USH2A: variants seen among roughly 807,000 people sequenced by gnomAD.
The protein encoded by USH2A is usherin, also known as Usher syndrome 2A (autosomal recessive, mild).
USH2A carries 443 observed loss-of-function variants against 538.9 expected under a neutral mutation model. The observed-to-expected ratio is 0.82, with a 90% CI of 0.76 to 0.89. The LOEUF (loss-of-function observed/expected upper bound fraction) is 0.89. Ranked by LOEUF, USH2A falls within the 40% of genes least tolerant of loss-of-function variation. The pLI is 0.00. For synonymous variants in USH2A, 2,413 were observed against 2,273.5 expected, an observed-to-expected ratio of 1.06 and a Z score of -1.75; for missense variants, 6,633 against 6,324.8, an observed-to-expected ratio of 1.05 and a Z score of -1.65.
At chr1:216,222,584 G>A (rs889191735) in intron 14 of USH2A, among the ~76,000 whole-genome samples, 9 of 152,176 alleles carry the variant, frequency 5.9e-5, no homozygotes, top group Non-Finnish European at 1.2e-4. Flanking sequence ...ATAAAGGAAG[G>A]CAGGAGGGTA....
At chr1:215,728,424 A>T in intron 60 of USH2A, 40 bp from the exon 61 acceptor site, 1 of 1,591,442 alleles carries the variant, frequency 6.3e-7, no homozygotes, top group Non-Finnish European at 8.6e-7. Context: ...ACAGCTGCAC[A>T]CTTCAAAACA....
At chr1:215,683,037 T>C (rs553373743) in intron 61 of USH2A, among the ~76,000 whole-genome samples, 1 of 151,978 alleles carries the variant, frequency 6.6e-6, no homozygotes, top group Admixed American at 6.6e-5. Context: ...TAAAACAAAA[T>C]GTTTCTTTTC....
intron 51 of USH2A, among the ~76,000 whole-genome samples, chr1:215,788,067 A>ATATC (rs1250321253): frequency 1.3e-5 from 2 of 151,960 alleles, no homozygotes; most frequent in Admixed American, 1.3e-4. Context: ...CTATCTATCT[A>ATATC]TATCTATCTA....
chr1:215,956,098 T>C (rs1370982111), intron 37 of USH2A, among the ~76,000 whole-genome samples: 1 of 152,154 alleles, frequency 6.6e-6, no homozygotes, highest in Non-Finnish European at 1.5e-5. Flanking sequence ...CAGCTGACAC[T>C]TTCCTACTGA....
At chr1:216,248,271 A>G (rs1369327707) in intron 12 of USH2A, among the ~76,000 whole-genome samples, 1 of 152,070 alleles carries the variant, frequency 6.6e-6, no homozygotes, top group East Asian at 1.9e-4. Flanking sequence ...ATCTCTGACA[A>G]GTAAGGTTAT....
intron 45 of USH2A, 102 bp from the exon 46 acceptor site, chr1:215,844,598 G>A (rs1663787065): frequency 9.1e-6 from 11 of 1,208,282 alleles, no homozygotes; most frequent in South Asian, 8.9e-5. Flanking sequence ...AGGGTTCCTC[G>A]CTTATCTGCT....
chr1:216,287,349 T>C (rs1558365646), intron 11 of USH2A, among the ~76,000 whole-genome samples: 1 of 152,214 alleles, frequency 6.6e-6, no homozygotes, highest in African/African-American at 2.4e-5. Context: ...TTATAAATGG[T>C]ACAGTCTTTC....
chr1:215,840,163 C>CAAAAAA (rs60766928), intron 46 of USH2A, among the ~76,000 whole-genome samples: 5 of 29,524 alleles, frequency 1.7e-4, no homozygotes, highest in Non-Finnish European at 2.5e-4. Flanking sequence ...GACTCTGTCT[C>CAAAAAA]AAAAAAAAAA....
intron 38 of USH2A, among the ~76,000 whole-genome samples, chr1:215,902,953 A>G (rs948197315): frequency 2.6e-5 from 4 of 152,054 alleles, no homozygotes; most frequent in Non-Finnish European, 5.9e-5. Flanking sequence ...GAGATGGTGA[A>G]ATAAACTAGG....
chr1:216,198,540 T>G lies in USH2A; in HGVS notation c.3856A>C (p.Thr1286Pro). 1 of 1,613,878 alleles carries G rather than the reference T, an allele frequency of 6.2e-7. No individual in the cohort carries two copies. Among genetic ancestry groups the G allele is most frequent in the Non-Finnish European group, 8.5e-7 (1 of 1,179,930 alleles). Residue 1286 changes from threonine to proline, a missense_variant, in exon 18 of 72, where the codon ACT becomes CCT. Physicochemically the swap from Thr to Pro is conservative, Grantham distance 38 (BLOSUM62 -1). Transcript: ENST00000307340. ...CTTTCCTCAGATGTGGTTTCTTTAG[T>G]AGATCTCAGTCTTCTCATGTATAGT... ...YELYMRRLRSTKETTSEESRV... is the reference protein window; with the variant it reads ...YELYMRRLRSPKETTSEESRV...
intron 20 of USH2A, among the ~76,000 whole-genome samples, chr1:216,184,003 CAAA>C (rs2034543282): frequency 6.6e-6 from 1 of 151,880 alleles, no homozygotes; most frequent in African/African-American, 2.4e-5. Context: ...AACAAACAAA[CAAA>C]AAACCTTCAG....
chr1:216,125,913 G>A (rs146734776), intron 21 of USH2A, among the ~76,000 whole-genome samples: 439 of 152,268 alleles, frequency 2.9e-3, no homozygotes, highest in African/African-American at 9.9e-3. Context: ...TAAGAACGCC[G>A]TAGGTCTTTT....
At chr1:215,666,990 G>T (rs1185298016) in intron 64 of USH2A, among the ~76,000 whole-genome samples, 1 of 152,022 alleles carries the variant, frequency 6.6e-6, no homozygotes, top group African/African-American at 2.4e-5. Context: ...ACTTGGGAGG[G>T]TGAGGCAGGA....
chr1:216,174,136 C>A (rs1045221105), intron 21 of USH2A: 33 of 985,152 alleles, frequency 3.3e-5, no homozygotes, highest in Non-Finnish European at 3.6e-5. Context: ...CAATGAAAAG[C>A]AAACTATTTA....
chr1:216,079,448 A>G lies in USH2A; in HGVS notation c.5299-1086T>C, dbSNP rs2068720. Among the ~76,000 whole-genome samples, 1,065 of 152,274 alleles carry G rather than the reference A, an allele frequency of 7.0e-3. 6 individuals are homozygous for G. The highest frequency in any genetic ancestry group is 0.024 in the African/African-American group (1,007 of 41,564). On this transcript the variant is annotated intron_variant, in intron 26 of 71. Coordinates refer to ENST00000307340, the MANE Select transcript of USH2A (RefSeq NM_206933.4). ...TTTAAAGCAAGGTTTTAGAAACTATATAAGATTCATGGAGGGTCCCCCAAG... is the reference window on the plus strand; with the variant it reads ...TTTAAAGCAAGGTTTTAGAAACTATGTAAGATTCATGGAGGGTCCCCCAAG...
At chr1:215,816,253 T>A (rs1662855493) in intron 48 of USH2A, among the ~76,000 whole-genome samples, 1 of 152,086 alleles carries the variant, frequency 6.6e-6, no homozygotes, top group African/African-American at 2.4e-5. Context: ...TTTTAGAGTC[T>A]AAGTATCAAA....
chr1:216,144,679 G>A lies in USH2A; in HGVS notation c.4627+30573C>T, dbSNP rs10495019. Among the ~76,000 whole-genome samples, 1,365 of 152,136 alleles carry A rather than the reference G, an allele frequency of 9.0e-3. 48 individuals carry two copies. The highest frequency in any genetic ancestry group is 0.065 in the Admixed American group (990 of 15,282). On this transcript the variant is annotated intron_variant, in intron 21 of 71. Transcript: ENST00000307340. ...CAGCTTTTCGCCTACCTGACCACTGGGCAACATTTTATGCAAATGAATATT... is the reference window on the plus strand; with the variant it reads ...CAGCTTTTCGCCTACCTGACCACTGAGCAACATTTTATGCAAATGAATATT...
chr1:216,335,936 T>A (rs2037964788), intron 4 of USH2A, among the ~76,000 whole-genome samples: 1 of 151,568 alleles, frequency 6.6e-6, no homozygotes, highest in South Asian at 2.1e-4. Flanking sequence ...GAAACCAGTA[T>A]TACCCTAATA....
In USH2A at chr1:216,214,818, G is replaced by C. The variant is rs758086683; in HGVS notation, c.3157+2569C>G. Among the ~76,000 whole-genome samples the C allele has an allele frequency of 5.2e-4, 79 of 152,074 alleles. 1 individual carries two copies. The highest frequency in any genetic ancestry group is 3.5e-4 in the Non-Finnish European group (24 of 67,920). ...ATAACAATGAGAATAGTGTCAAGAAGACAAACACTATCAAACAATAAGTGG... is the reference window on the plus strand; with the variant it reads ...ATAACAATGAGAATAGTGTCAAGAACACAAACACTATCAAACAATAAGTGG... On this transcript the variant is annotated intron_variant, in intron 15 of 71. Transcript: ENST00000307340.
Sources: allele counts gnomAD v4.1 joint callset (sites outside exome capture counted in the v4.1 genomes callset), GRCh38; gene constraint gnomAD v4.1.1; transcripts MANE v1.5; gene names NCBI Gene and HGNC (gene_info 2026-07-23, HGNC 2026-07-21).